The following TARS3 variants were observed in gnomAD, a reference collection of about 807,000 sequenced individuals.
TARS3 encodes the protein threonine--tRNA ligase 2, cytoplasmic.
TARS3 carries 94 observed loss-of-function variants against 103.5 expected under a neutral mutation model. The observed-to-expected ratio is 0.91, with a 90% confidence interval of 0.77 to 1.08. The LOEUF is 1.08. Ranked by LOEUF, TARS3 falls within the 50% of genes least tolerant of loss-of-function variation. The pLI is 0.00. For missense variants in TARS3, 952 were observed against 995.2 expected, an observed-to-expected ratio of 0.96 and a Z score of 0.58; for synonymous variants, 416 against 355.4, an observed-to-expected ratio of 1.17 and a Z score of -1.92.
intron 4 of TARS3, 55 bp downstream of exon 4, chr15:101,714,785 T>C: frequency 6.4e-7 from 1 of 1,557,100 alleles, no homozygotes; most frequent in Non-Finnish European, 8.7e-7. Context: ...TCTTATATAA[T>C]GTAGTTTACA....
chr15:101,654,471 T>C lies in TARS3; in HGVS notation c.*111A>G, dbSNP rs988652905. On this transcript the variant is annotated 3_prime_UTR_variant, in exon 19 of 19. Transcript: ENST00000335968. ...TCGTCTCCTTTCTCAGCTGAGGCCA[T>C]GAGTGGACCCATCAGTGGCTCCAAA... The C allele has an allele frequency of 9.6e-6, 11 of 1,142,570 alleles. No individual in the cohort carries two copies. The African/African-American group carries it at 1.6e-4, about 16-fold the overall frequency. 70.8% of individuals were successfully genotyped at this position (1,142,570 alleles called of 1,614,324 possible). A position where few individuals can be genotyped will look rare whatever the true frequency, so the allele number is the denominator to read the frequency against.
At chr15:101,682,399 TTTTG>T (rs766423771) in intron 12 of TARS3, among the ~76,000 whole-genome samples, 47 of 152,252 alleles carry the variant, frequency 3.1e-4, no homozygotes, top group Non-Finnish European at 5.7e-4. Flanking sequence ...CTTTTTGTCT[TTTTG>T]TTTGTTTTCT....
chr15:101,654,469 C>T lies in TARS3; in HGVS notation c.*113G>A, dbSNP rs770412116. On this transcript the variant is annotated 3_prime_UTR_variant, in exon 19 of 19. Coordinates refer to ENST00000335968, the MANE Select transcript of TARS3 (RefSeq NM_152334.3). ...CATCGTCTCCTTTCTCAGCTGAGGC[C>T]ATGAGTGGACCCATCAGTGGCTCCA... The T allele has an allele frequency of 5.4e-6, 6 of 1,116,222 alleles. No homozygotes were observed. The highest frequency in any genetic ancestry group is 7.6e-6 in the Non-Finnish European group (6 of 789,348). 69.1% of individuals were successfully genotyped at this position (1,116,222 alleles called of 1,614,324 possible). A position where few individuals can be genotyped will look rare whatever the true frequency, so the allele number is the denominator to read the frequency against.
Position 101,702,387 on chromosome 15 carries a change from T to C in TARS3, c.1075-2A>G. On this transcript the variant is annotated splice_acceptor_variant, in intron 8 of 18. Transcript: ENST00000335968. LOFTEE classifies it high-confidence loss of function. ...GCCCTCCCAATATGTTGAGGAATTC[T>C]AAATATCAAAGAGGATTTTGGTAAA... 6.2e-7 allele frequency: 1 copy of C among 1,612,530 alleles called. No individual in the cohort carries two copies. Among genetic ancestry groups the C allele is most frequent in the Non-Finnish European group, 8.5e-7 (1 of 1,178,672 alleles).
chr15:101,676,902 G>A (rs1242225406), intron 12 of TARS3, among the ~76,000 whole-genome samples: 3 of 151,092 alleles, frequency 2.0e-5, no homozygotes, highest in African/African-American at 7.3e-5. Flanking sequence ...CTATGAACCC[G>A]TCACCTAAGT....
chr15:101,712,034 C>G, intron 4 of TARS3, 33 bp from the exon 5 acceptor site: 11 of 1,580,586 alleles, frequency 7.0e-6, no homozygotes, highest in Non-Finnish European at 9.4e-6. Flanking sequence ...CCATTAGCTA[C>G]CAAAAGTATG....
At chr15:101,663,065 T>G (rs985990902) in intron 15 of TARS3, among the ~76,000 whole-genome samples, 1 of 152,234 alleles carries the variant, frequency 6.6e-6, no homozygotes, top group Non-Finnish European at 1.5e-5. Context: ...TTTTGTGGTC[T>G]TGGAGAAAAA....
chr15:101,711,744 A>G lies in TARS3; in HGVS notation c.812+136T>C, dbSNP rs1471534576. 2.5e-5 allele frequency: 25 copies of G among 1,012,944 alleles called. 1 individual carries two copies. In the Admixed American group the frequency reaches 7.1e-4, roughly 29 times the overall value. 62.7% of individuals were successfully genotyped at this position (1,012,944 alleles called of 1,614,324 possible). ...ATCACAAGTTGAACTCGGATTTTCAACTGCATGGGCGTCGGTGCCCCTAAC... is the reference window on the plus strand; with the variant it reads ...ATCACAAGTTGAACTCGGATTTTCAGCTGCATGGGCGTCGGTGCCCCTAAC... On this transcript the variant is annotated intron_variant, in intron 5 of 18. Transcript: ENST00000335968.
chr15:101,676,959 C>T (rs564114522), intron 12 of TARS3, among the ~76,000 whole-genome samples: 2 of 152,278 alleles, frequency 1.3e-5, no homozygotes, highest in East Asian at 3.9e-4. Flanking sequence ...GCTCTCCCTC[C>T]CTCCTCTTCC....
intron 3 of TARS3, among the ~76,000 whole-genome samples, chr15:101,715,208 G>A (rs1046936962): frequency 2.7e-5 from 4 of 149,148 alleles, no homozygotes; most frequent in Admixed American, 1.3e-4. Context: ...GTGCAGTGGC[G>A]GGATCTCGGC....
At position 101,711,950 on chromosome 15, in the gene TARS3, A is replaced by G. The variant is rs1899890327; in HGVS notation, c.742T>C (p.Tyr248His). Residue 248 changes from tyrosine to histidine, a missense_variant, in exon 5 of 19, where the codon TAT (tyrosine) becomes CAT (histidine). This residue lies in a region of TARS3 where 412 missense variants were observed against 364.2 expected (regional missense o/e 1.13). Coordinates refer to ENST00000335968, the MANE Select transcript of TARS3 (RefSeq NM_152334.3). The part of the protein sequence containing the change: ...HILGEAMELY[Y>H]GGHLCYGPPI... ...GGACCGTAGCACAGGTGGCCTCCAT[A>G]GTAAAGCTCCATGGCCTCCCCAAGA... The G allele has an allele frequency of 1.9e-6, 3 of 1,613,882 alleles. No homozygotes were observed. Among genetic ancestry groups the G allele is most frequent in the African/African-American group, 2.7e-5 (2 of 74,944 alleles).
intron 12 of TARS3, 123 bp downstream of exon 12, chr15:101,683,952 T>A: frequency 1.1e-6 from 1 of 881,986 alleles, no homozygotes; most frequent in Non-Finnish European, 1.6e-6. Context: ...AGGTTAGAGC[T>A]GAATGAATCT....
At chr15:101,702,472 A>G (rs1899333476) in intron 8 of TARS3, 87 bp from the exon 9 acceptor site, 2 of 1,172,642 alleles carry the variant, frequency 1.7e-6, no homozygotes, top group East Asian at 2.4e-5. Flanking sequence ...ATTTTCCACT[A>G]TCATATCAAC....
intron 10 of TARS3, among the ~76,000 whole-genome samples, chr15:101,694,778 A>G (rs1047812750): frequency 1.3e-5 from 2 of 152,260 alleles, no homozygotes; most frequent in Admixed American, 6.5e-5. Context: ...GACTTTTAAA[A>G]AGATAGTTTT....
chr15:101,699,863 C>T (rs1899171582), intron 10 of TARS3, among the ~76,000 whole-genome samples: 1 of 152,070 alleles, frequency 6.6e-6, no homozygotes, highest in South Asian at 2.1e-4. Context: ...AAGTGATCCC[C>T]AAATGAGAAT....
At chr15:101,706,795 G>A (rs953701915) in intron 6 of TARS3, among the ~76,000 whole-genome samples, 1 of 152,112 alleles carries the variant, frequency 6.6e-6, no homozygotes, top group Non-Finnish European at 1.5e-5. Context: ...ACCCGTATCT[G>A]CATGATTTAA....
rs1015479740 is a variant in TARS3 at position 101,654,201 on chromosome 15, T to A, written c.*381A>T. On this transcript the variant is annotated 3_prime_UTR_variant, in exon 19 of 19. Coordinates refer to ENST00000335968, the MANE Select transcript of TARS3 (RefSeq NM_152334.3). Reference sequence around the variant, plus strand: ...AGTCATAAAAATACCTGAGACATATTAGAAAATAAGATTTTCCCTCCTATT... The same window carrying A: ...AGTCATAAAAATACCTGAGACATATAAGAAAATAAGATTTTCCCTCCTATT... 1 of 165,894 alleles carries A rather than the reference T, an allele frequency of 6.0e-6. No individual in the cohort carries two copies. Among genetic ancestry groups the A allele is most frequent in the Admixed American group, 6.4e-5 (1 of 15,630 alleles). 10.3% of individuals were successfully genotyped at this position (165,894 alleles called of 1,614,324 possible).
Position 101,711,992 on chromosome 15 carries a change from G to T in TARS3, c.700C>A (p.His234Asn). Residue 234 changes from histidine (H) to asparagine (N), a missense_variant, in exon 5 of 19, where the codon CAC (histidine) becomes AAC (asparagine). Coordinates refer to ENST00000335968, the MANE Select transcript of TARS3 (RefSeq NM_152334.3). ...DNEEAQAVYW[H>N]SSAHILGEAM... ...TCCCCAAGAATGTGAGCACTGGAGT[G>T]CCAGTACACCTGCATGGCATGGACA... is the stretch of plus-strand genomic sequence containing the variant. 6.2e-7 allele frequency: 1 copy of T among 1,613,324 alleles called. No individual in the cohort carries two copies. Among genetic ancestry groups the T allele is most frequent in the Admixed American group, 1.7e-5 (1 of 59,954 alleles).
In TARS3 at chr15:101,671,353, G is replaced by A. The variant is rs1042921342; in HGVS notation, c.1967+133C>T. 2.7e-5 allele frequency: 18 copies of A among 662,226 alleles called. No individual in the cohort carries two copies. The Admixed American group carries it at 4.4e-4, about 16-fold the overall frequency. The allele number at this position is 662,226 out of a possible 1,614,324, so 41.0% of individuals were successfully genotyped here. On this transcript the variant is annotated intron_variant, in intron 15 of 18. Coordinates refer to ENST00000335968, the MANE Select transcript of TARS3 (RefSeq NM_152334.3). ...TGATTCGCAACTGGATTATGATCAG[G>A]TAAACAAATATATATTGCGTGTATA...
Sources: allele counts gnomAD v4.1 joint callset (sites outside exome capture counted in the v4.1 genomes callset), GRCh38; gene constraint gnomAD v4.1.1; regional missense constraint gnomAD v4.1.1; transcripts MANE v1.5; gene names NCBI Gene and HGNC (gene_info 2026-07-23, HGNC 2026-07-21).